Variants in TNC observed in about 807,000 individuals in gnomAD.
The protein encoded by TNC is tenascin.
Under a neutral mutation model 202.4 loss-of-function variants are expected in TNC, and 109 were observed. The ratio of observed to expected loss-of-function variants is 0.54; its 90% confidence interval spans 0.46 to 0.63. The LOEUF (loss-of-function observed/expected upper bound fraction) is 0.63. TNC is among the 30% of genes least tolerant of loss of function. The probability of loss-of-function intolerance (pLI) is 0.00; values close to 1 mark genes in which losing one functional copy is unlikely to be tolerated. For synonymous variants in TNC, 1,007 were observed against 1,089.7 expected, an observed-to-expected ratio of 0.92 and a Z score of 1.50; for missense variants, 2,756 against 2,833.3, an observed-to-expected ratio of 0.97 and a Z score of 0.62.
At chr9:115,025,485 C>G (rs1297836221) in intron 26 of TNC, among the ~76,000 whole-genome samples, 2 of 152,138 alleles carry the variant, frequency 1.3e-5, no homozygotes, top group African/African-American at 4.8e-5. Flanking sequence ...CTCTTCTGCT[C>G]TCACAAACAT....
At chr9:115,078,781 A>G (rs928220895) in intron 6 of TNC, among the ~76,000 whole-genome samples, 1 of 152,188 alleles carries the variant, frequency 6.6e-6, no homozygotes, top group African/African-American at 2.4e-5. Context: ...TTGCAGGCTC[A>G]TCTTGACTTT....
chr9:115,077,221 A>ATT (rs376411649), intron 7 of TNC, among the ~76,000 whole-genome samples: 1 of 151,352 alleles, frequency 6.6e-6, no homozygotes, highest in Non-Finnish European at 1.5e-5. Context: ...CGCCTGGCTA[A>ATT]TTTTTTTTGT....
chr9:115,060,365 G>A (rs571238364), intron 13 of TNC, among the ~76,000 whole-genome samples: 8 of 152,336 alleles, frequency 5.3e-5, no homozygotes, highest in African/African-American at 1.9e-4. Flanking sequence ...TTGGAGGCAA[G>A]TAGTCCTTGA....
intron 13 of TNC, among the ~76,000 whole-genome samples, chr9:115,061,071 G>A (rs749915621): frequency 4.6e-5 from 7 of 152,214 alleles, no homozygotes; most frequent in Non-Finnish European, 1.0e-4. Flanking sequence ...GGATGCTTCT[G>A]AGGGTTAAAT....
Position 115,062,997 on chromosome 9 carries a change from G to T in TNC, c.3953C>A (p.Ala1318Asp), listed in dbSNP as rs373148389. The T allele has an allele frequency of 1.2e-6, 2 of 1,614,006 alleles. No individual in the cohort carries two copies. The highest frequency in any genetic ancestry group is 1.7e-6 in the Non-Finnish European group (2 of 1,180,038). ...LRSMEIPGLR[A>D]GTPYTVTLHG... ...CAGGGTGACTGTGTAAGGAGTGCCAGCCCTGAGGCCTGGGATTTCCATGGA... is the reference window on the plus strand; with the variant it reads ...CAGGGTGACTGTGTAAGGAGTGCCATCCCTGAGGCCTGGGATTTCCATGGA... Residue 1318 changes from alanine (A) to aspartate (D), a missense_variant, in exon 13 of 28, where the codon GCT becomes GAT. This residue lies in a region of TNC where 2,559 missense variants were observed against 2,546.0 expected (regional missense o/e 1.01). Transcript: ENST00000350763.
At chr9:115,091,209 A>G in intron 1 of TNC, 55 bp from the exon 2 acceptor site, 1 of 583,880 alleles carries the variant, frequency 1.7e-6, no homozygotes. Flanking sequence ...AATATATTGA[A>G]TATCTACAAT....
chr9:115,052,705 C>T (rs1032927608), intron 15 of TNC: 1 of 673,566 alleles, frequency 1.5e-6, no homozygotes, highest in Non-Finnish European at 2.7e-6. Context: ...CCTTTTCTCT[C>T]TGTGTTAGAC....
At chr9:115,111,760 G>A (rs1014625264) in intron 1 of TNC, among the ~76,000 whole-genome samples, 14 of 152,054 alleles carry the variant, frequency 9.2e-5, no homozygotes, top group African/African-American at 3.4e-4. Context: ...TGTTGGAGAA[G>A]CCCATGTGGC....
chr9:115,021,688 AT>A (rs1829082884), intron 27 of TNC, among the ~76,000 whole-genome samples: 1 of 152,166 alleles, frequency 6.6e-6, no homozygotes, highest in African/African-American at 2.4e-5. Context: ...CCTATGGAGT[AT>A]TTTGATAGGG....
rs150811111 is a variant in TNC at position 115,035,291 on chromosome 9, C to T, written c.5700G>A (p.Ser1900=). 7.6e-5 allele frequency: 122 copies of T among 1,613,394 alleles called. 1 individual carries two copies. Among genetic ancestry groups the T allele is most frequent in the Admixed American group, 6.0e-4 (36 of 59,946 alleles). ...PRDLTATEVQ[S]ETALLTWRPP... The stretch of plus-strand genomic sequence containing the variant: ...GTCGCCAGGTAAGGAGGGCAGTTTC[C>T]GACTGAACCTCAGTAGCAGTCAAGT... The change falls in exon 22 of 28, where the codon TCG becomes TCA. Residue 1900 remains serine, a synonymous_variant. Transcript: ENST00000350763.
At chr9:115,093,840 G>A (rs1341534766) in intron 1 of TNC, among the ~76,000 whole-genome samples, 1 of 152,148 alleles carries the variant, frequency 6.6e-6, no homozygotes, top group African/African-American at 2.4e-5. Context: ...ACGTAAACTG[G>A]TACCACCAAA....
At chr9:115,033,644 C>CA (rs1280517469) in intron 22 of TNC, among the ~76,000 whole-genome samples, 1 of 152,180 alleles carries the variant, frequency 6.6e-6, no homozygotes, top group African/African-American at 2.4e-5. Context: ...CAGGAAGGGG[C>CA]ATGATAGTTA....
At chr9:115,067,614 C>T (rs1281617300) in intron 10 of TNC, among the ~76,000 whole-genome samples, 1 of 152,072 alleles carries the variant, frequency 6.6e-6, no homozygotes, top group East Asian at 1.9e-4. Flanking sequence ...AGAAAAGATG[C>T]ACGTTGGAAA....
intron 1 of TNC, among the ~76,000 whole-genome samples, chr9:115,091,440 G>A (rs1835226813): frequency 6.6e-6 from 1 of 152,204 alleles, no homozygotes; most frequent in African/African-American, 2.4e-5. Context: ...TATCTTGGCT[G>A]TAGCTCTGGT....
intron 21 of TNC, 75 bp downstream of exon 21, chr9:115,036,023 C>T (rs1309070100): frequency 9.6e-6 from 15 of 1,562,054 alleles, no homozygotes; most frequent in South Asian, 6.9e-5. Flanking sequence ...AACTGGCTAG[C>T]GGTTCCTGTT....
chr9:115,102,681 A>G (rs1218670188), intron 1 of TNC, among the ~76,000 whole-genome samples: 2 of 152,210 alleles, frequency 1.3e-5, no homozygotes, highest in Admixed American at 6.5e-5. Context: ...TCTCTTAGGA[A>G]ATTAGCTAAT....
Position 115,117,334 on chromosome 9 carries a change from G to A in TNC, c.-137+648C>T, listed in dbSNP as rs536830717. Among the ~76,000 whole-genome samples, 10 of 152,280 alleles carry A rather than the reference G, an allele frequency of 6.6e-5. No homozygotes were observed. In the South Asian group the frequency reaches 2.1e-3, roughly 32 times the overall value. On this transcript the variant is annotated intron_variant, in intron 1 of 27. Coordinates refer to ENST00000350763, the MANE Select transcript of TNC (RefSeq NM_002160.4). ...GAGGAGGAGGTGATTCTAGAGACAT[G>A]TGGGACGCTGCTGGCTCTAGGCACC...
chr9:115,050,765 A>G (rs1439102098), intron 15 of TNC, among the ~76,000 whole-genome samples: 1 of 152,140 alleles, frequency 6.6e-6, no homozygotes, highest in Non-Finnish European at 1.5e-5. Context: ...AAATTTCACC[A>G]ACTCTATTTA....
chr9:115,048,356 G>A lies in TNC; in HGVS notation c.4756C>T (p.Leu1586Phe). 2 of 1,614,088 alleles carry A rather than the reference G, an allele frequency of 1.2e-6. No homozygotes were observed. Among genetic ancestry groups the A allele is most frequent in the Non-Finnish European group, 1.7e-6 (2 of 1,179,976 alleles). ...CCAATGCCAGTTATGAGGCCTCTAA[G>A]CTCCAGCTTCCTCTGGGTTCCTGAA... Reference protein sequence around the residue: ...TLSGTQRKLELRGLITGIGYE... With the variant: ...TLSGTQRKLEFRGLITGIGYE... Residue 1586 changes from leucine (L) to phenylalanine (F), a missense_variant, in exon 16 of 28, where the codon CTT (leucine) becomes TTT (phenylalanine). Leu to Phe is a conservative substitution (Grantham distance 22). Coordinates refer to ENST00000350763, the MANE Select transcript of TNC (RefSeq NM_002160.4).
Sources: allele counts gnomAD v4.1 joint callset (sites outside exome capture counted in the v4.1 genomes callset), GRCh38; gene constraint gnomAD v4.1.1; regional missense constraint gnomAD v4.1.1; transcripts MANE v1.5; gene names NCBI Gene and HGNC (gene_info 2026-07-23, HGNC 2026-07-21).